The following CSPG4 variants were observed in gnomAD, a reference collection of about 807,000 sequenced individuals.
CSPG4 encodes the protein chondroitin sulfate proteoglycan 4.
A neutral mutation model predicts 139.3 loss-of-function variants in CSPG4; 74 were observed. The observed-to-expected ratio is 0.53, with a 90% confidence interval of 0.44 to 0.64. CSPG4 has a LOEUF of 0.64. CSPG4 is among the 30% of genes least tolerant of loss of function. The pLI is 0.00. For synonymous variants in CSPG4, 1,234 were observed against 1,394.2 expected (o/e 0.89, Z 2.56); for missense variants, 2,565 against 3,148.3 (o/e 0.81, Z 4.43).
chr15:75,701,692 C>A (rs1309294747), intron 1 of CSPG4, among the ~76,000 whole-genome samples: 6 of 152,192 alleles, frequency 3.9e-5, no homozygotes, highest in African/African-American at 1.4e-4. Context: ...CTCTCACTGG[C>A]ACCAACTCTC....
chr15:75,697,139 T>C (rs1244491506), intron 1 of CSPG4, among the ~76,000 whole-genome samples: 1 of 152,096 alleles, frequency 6.6e-6, no homozygotes, highest in Non-Finnish European at 1.5e-5. Flanking sequence ...TGAGGGCTGC[T>C]GTGGGCTCTG....
intron 2 of CSPG4, among the ~76,000 whole-genome samples, chr15:75,692,265 T>C (rs575169603): frequency 6.6e-6 from 1 of 152,338 alleles, no homozygotes; most frequent in East Asian, 1.9e-4. Context: ...ATTACAGGCA[T>C]GAGCCACCGC....
chr15:75,674,508 T>C lies in CSPG4; in HGVS notation c.*1042A>G. On this transcript the variant is annotated 3_prime_UTR_variant, in exon 10 of 10. Transcript: ENST00000308508. ...GGAAGTTCAGAGGCCTGCCTGGCCC[T>C]GTCCATCCCACTGGCTGAGGCCAGG... The C allele has an allele frequency of 2.6e-6, 1 of 382,632 alleles. No homozygotes were observed. The highest frequency in any genetic ancestry group is 4.6e-6 in the Non-Finnish European group (1 of 216,042). 23.7% of individuals were successfully genotyped at this position (382,632 alleles called of 1,614,324 possible).
At chr15:75,710,329 C>G (rs1293451952) in intron 1 of CSPG4, among the ~76,000 whole-genome samples, 2 of 152,170 alleles carry the variant, frequency 1.3e-5, no homozygotes, top group Non-Finnish European at 2.9e-5. Context: ...CCAGTATCAG[C>G]TCAAATCCAA....
rs373193634 is a variant in CSPG4 at position 75,709,912 on chromosome 15, C to T, written c.88+2756G>A. 2.6e-3 allele frequency among the ~76,000 whole-genome samples: 391 copies of T among 151,850 alleles called. 2 individuals carry two copies. Among genetic ancestry groups the T allele is most frequent in the East Asian group, 0.022 (115 of 5,156 alleles). On this transcript the variant is annotated intron_variant, in intron 1 of 9. Coordinates refer to ENST00000308508, the MANE Select transcript of CSPG4 (RefSeq NM_001897.5). Reference sequence around the variant, plus strand: ...GCTCTAGAACAGTTTTTCTCGAGTCCGGGTGGGCTGGGCCAAGGGCTCTGG... The same window carrying T: ...GCTCTAGAACAGTTTTTCTCGAGTCTGGGTGGGCTGGGCCAAGGGCTCTGG...
chr15:75,690,669 G>C lies in CSPG4; in HGVS notation c.396C>G (p.Ser132=). The C allele has an allele frequency of 6.2e-7, 1 of 1,612,664 alleles. No homozygotes were observed. The highest frequency in any genetic ancestry group is 1.1e-5 in the South Asian group (1 of 91,062). ...TLSVDGFLNA[S]SAVPGAPLEV... is the part of the protein sequence containing the mutation. ...CTAGGGGGGCTCCTGGGACTGCTGAGGAGGCGTTCAGAAACCCATCGACTG... is the reference window on the plus strand; with the variant it reads ...CTAGGGGGGCTCCTGGGACTGCTGACGAGGCGTTCAGAAACCCATCGACTG... The change falls in exon 3 of 10, where the codon TCC becomes TCG. Residue 132 remains serine (S), a synonymous_variant. Coordinates refer to ENST00000308508, the MANE Select transcript of CSPG4 (RefSeq NM_001897.5).
At position 75,687,521 on chromosome 15, in the gene CSPG4, G is replaced by C; in HGVS notation, c.3544C>G (p.Gln1182Glu). Residue 1182 changes from glutamine to glutamate, a missense_variant, in exon 3 of 10, where the codon CAG becomes GAG. Transcript: ENST00000308508. The surrounding 1 kb of genome is among the most constrained non-coding windows in gnomAD (Gnocchi z 5.4). ...TGCTGGGAGAAGGCTGTGGCTGGCT[G>C]ACCAGCCCGGACTAGCTGTCCCCAG... ...PRWGQLVRAG[Q>E]PATAFSQQDL... 1 of 1,612,020 alleles carries C rather than the reference G, an allele frequency of 6.2e-7. No individual in the cohort carries two copies. Among genetic ancestry groups the C allele is most frequent in the Non-Finnish European group, 8.5e-7 (1 of 1,179,398 alleles).
At position 75,688,740 on chromosome 15, in the gene CSPG4, G is replaced by T. The variant is rs764823643; in HGVS notation, c.2325C>A (p.Phe775Leu). 1.4e-5 allele frequency: 22 copies of T among 1,612,368 alleles called. No individual in the cohort carries two copies. Among genetic ancestry groups the T allele is most frequent in the Middle Eastern group, 3.3e-4 (2 of 6,036 alleles). The change falls in exon 3 of 10, where the codon TTC becomes TTA. Residue 775 changes from phenylalanine to leucine, a missense_variant. Phe to Leu is a conservative substitution (Grantham distance 22). Coordinates refer to ENST00000308508, the MANE Select transcript of CSPG4 (RefSeq NM_001897.5). Reference protein sequence around the residue: ...VGQEILSNLSFPVTIQRATVW... With the variant: ...VGQEILSNLSLPVTIQRATVW... ...CAGTGGCTCTCTGGATGGTCACTGG[G>T]AAGGACAGATTGCTCAGGATCTCCT... is the stretch of plus-strand genomic sequence containing the variant.
intron 1 of CSPG4, among the ~76,000 whole-genome samples, chr15:75,712,357 G>T (rs576629814): frequency 3.3e-5 from 5 of 152,172 alleles, no homozygotes; most frequent in African/African-American, 1.2e-4. Flanking sequence ...CCAGCATTGG[G>T]GTGGCCCCAC....
rs548244448 is a variant in CSPG4 at position 75,704,938 on chromosome 15, A to C, written c.88+7730T>G. Reference sequence around the variant, plus strand: ...CCTGGCCTCCAGCCCCCACCTCCAGAGAGGGACTCGCGAGGGGTTGGTAGA... The same window carrying C: ...CCTGGCCTCCAGCCCCCACCTCCAGCGAGGGACTCGCGAGGGGTTGGTAGA... On this transcript the variant is annotated intron_variant, in intron 1 of 9. Coordinates refer to ENST00000308508, the MANE Select transcript of CSPG4 (RefSeq NM_001897.5). 9.1e-4 allele frequency among the ~76,000 whole-genome samples: 138 copies of C among 152,312 alleles called. 1 individual carries two copies. The highest frequency in any genetic ancestry group is 3.2e-3 in the African/African-American group (135 of 41,574).
At chr15:75,691,198 T>C (rs754460371) in intron 2 of CSPG4, among the ~76,000 whole-genome samples, 3 of 151,960 alleles carry the variant, frequency 2.0e-5, no homozygotes, top group Non-Finnish European at 4.4e-5. Flanking sequence ...AAAAAAAGCA[T>C]AGTGAGTTCC....
chr15:75,681,106 C>A (rs965914308), intron 8 of CSPG4, among the ~76,000 whole-genome samples: 6 of 152,212 alleles, frequency 3.9e-5, no homozygotes, highest in African/African-American at 1.4e-4. Context: ...GCTGCAGACA[C>A]CAGCCTGACA....
At chr15:75,682,160 G>A in intron 8 of CSPG4, 133 bp downstream of exon 8, 1 of 1,185,836 alleles carries the variant, frequency 8.4e-7, no homozygotes. Flanking sequence ...CTAGCGCCTG[G>A]ACAATGGCAG....
chr15:75,706,458 C>T (rs896503648), intron 1 of CSPG4, among the ~76,000 whole-genome samples: 1 of 152,076 alleles, frequency 6.6e-6, no homozygotes, highest in African/African-American at 2.4e-5. Context: ...TGTGTGCACA[C>T]ACACGCATGT....
chr15:75,684,875 C>A lies in CSPG4; in HGVS notation c.4310G>T (p.Ser1437Ile). The change falls in exon 5 of 10, where the codon AGC becomes ATC. Residue 1437 changes from serine (S) to isoleucine (I), a missense_variant. Around this residue, in one of 5 missense-constraint regions of CSPG4, gnomAD observed 2,316 missense variants for 2,818.2 expected, o/e 0.82. Transcript: ENST00000308508. ...EQLIRYVHDG[S>I]ETLTDSFVLM... is the part of the protein sequence containing the mutation. ...GACAAAACTGTCTGTCAGTGTCTCG[C>A]TCCCGTCATGCACGTAGCGGATCAG... 6.2e-7 allele frequency: 1 copy of A among 1,613,362 alleles called. No individual in the cohort carries two copies. The highest frequency in any genetic ancestry group is 8.5e-7 in the Non-Finnish European group (1 of 1,179,670).
At chr15:75,700,314 G>T (rs1425655318) in intron 1 of CSPG4, among the ~76,000 whole-genome samples, 5 of 151,674 alleles carry the variant, frequency 3.3e-5, no homozygotes, top group African/African-American at 1.2e-4. Context: ...CCCCAGCCTG[G>T]GGAACACACA....
At chr15:75,712,136 A>C (rs4293341) in intron 1 of CSPG4, among the ~76,000 whole-genome samples, 1 of 119,428 alleles carries the variant, frequency 8.4e-6, no homozygotes, top group African/African-American at 3.4e-5. Context: ...AAGGGGAGGA[A>C]AGAAGGGGCA....
Position 75,687,545 on chromosome 15 carries a change from A to G in CSPG4, c.3520T>C (p.Trp1174Arg). Reference protein sequence around the residue: ...VHYHVTAGPRWGQLVRAGQPA... With the variant: ...VHYHVTAGPRRGQLVRAGQPA... The stretch of plus-strand genomic sequence containing the variant: ...TGACCAGCCCGGACTAGCTGTCCCC[A>G]GCGAGGGCCAGCTGTGACGTGGTAG... The change falls in exon 3 of 10, where the codon TGG becomes CGG. Residue 1174 changes from tryptophan (W) to arginine (R), a missense_variant. Trp to Arg is a moderately radical substitution (Grantham distance 101). This residue lies in a region of CSPG4 where 2,316 missense variants were observed against 2,818.2 expected (regional missense o/e 0.82). Coordinates refer to ENST00000308508, the MANE Select transcript of CSPG4 (RefSeq NM_001897.5). The surrounding 1 kb of genome is among the most constrained non-coding windows in gnomAD (Gnocchi z 5.4). The G allele has an allele frequency of 1.2e-6, 2 of 1,611,032 alleles. No individual in the cohort carries two copies. The highest frequency in any genetic ancestry group is 1.7e-6 in the Non-Finnish European group (2 of 1,178,656).
intron 1 of CSPG4, among the ~76,000 whole-genome samples, chr15:75,702,549 A>G (rs1246322412): frequency 6.6e-6 from 1 of 152,160 alleles, no homozygotes; most frequent in Non-Finnish European, 1.5e-5. Context: ...CATGAGGGCC[A>G]TGGGCCCAGT....
Sources: allele counts gnomAD v4.1 joint callset (sites outside exome capture counted in the v4.1 genomes callset), GRCh38; gene constraint gnomAD v4.1.1; regional missense constraint gnomAD v4.1.1; non-coding constraint Gnocchi (gnomAD v3.1); transcripts MANE v1.5; gene names NCBI Gene and HGNC (gene_info 2026-07-23, HGNC 2026-07-21).